Variants in LRRC36 observed in about 807,000 individuals in gnomAD.
LRRC36 encodes leucine-rich repeat-containing protein 36.
LRRC36 carries 62 observed loss-of-function variants against 81.1 expected under a neutral mutation model. The ratio of observed to expected loss-of-function variants is 0.76; its 90% CI spans 0.62 to 0.94. LRRC36 has a LOEUF of 0.94. Ranked by LOEUF, LRRC36 falls within the 40% of genes least tolerant of loss-of-function variation. The pLI, the probability that LRRC36 is intolerant of heterozygous loss-of-function variation, is 0.00. For synonymous variants in LRRC36, 334 were observed against 348.6 expected (o/e 0.96, Z 0.47); for missense variants, 761 against 881.7 (o/e 0.86, Z 1.73).
intron 1 of LRRC36, among the ~76,000 whole-genome samples, chr16:67,331,152 C>T (rs925891377): frequency 6.6e-6 from 1 of 150,870 alleles, no homozygotes; most frequent in African/African-American, 2.5e-5. Context: ...AGCTAACTCC[C>T]GTGATAACTA....
chr16:67,329,934 A>C (rs1390301556), intron 1 of LRRC36, among the ~76,000 whole-genome samples: 1 of 152,082 alleles, frequency 6.6e-6, no homozygotes, highest in African/African-American at 2.4e-5. Flanking sequence ...AAAATAAAAT[A>C]AGAATCCGTA....
chr16:67,358,657 C>T (rs2039012920), intron 5 of LRRC36, among the ~76,000 whole-genome samples: 1 of 151,930 alleles, frequency 6.6e-6, no homozygotes, highest in Non-Finnish European at 1.5e-5. Context: ...TCAACCCATT[C>T]TACATAAAGA....
chr16:67,348,135 T>G (rs1162998284), intron 4 of LRRC36, among the ~76,000 whole-genome samples: 1 of 152,224 alleles, frequency 6.6e-6, no homozygotes, highest in Non-Finnish European at 1.5e-5. Context: ...CCTATGCTTT[T>G]TAAAAAGTAG....
intron 1 of LRRC36, among the ~76,000 whole-genome samples, chr16:67,329,258 C>T (rs947517716): frequency 1.3e-5 from 2 of 152,028 alleles, no homozygotes; most frequent in African/African-American, 4.8e-5. Flanking sequence ...GTCACATATG[C>T]AACCTAAAAA....
intron 8 of LRRC36, among the ~76,000 whole-genome samples, chr16:67,369,142 G>T (rs939250684): frequency 3.9e-5 from 6 of 152,166 alleles, no homozygotes; most frequent in Non-Finnish European, 8.8e-5. Flanking sequence ...ATAAGTGTAT[G>T]GGTGACAGTA....
chr16:67,331,392 G>A (rs1248643302), intron 1 of LRRC36, among the ~76,000 whole-genome samples: 2 of 151,988 alleles, frequency 1.3e-5, no homozygotes, highest in African/African-American at 2.4e-5. Flanking sequence ...GGTGTTGGTG[G>A]TGTGTACCTG....
rs557163291 is a variant in LRRC36, at chr16:67,350,322, T to G, written c.577+32T>G. 9 of 1,527,682 alleles carry G rather than the reference T, an allele frequency of 5.9e-6. No homozygotes were observed. In the East Asian group the frequency reaches 2.0e-4, roughly 34 times the overall value. The allele number at this position is 1,527,682 out of a possible 1,614,324, so 94.6% of individuals were successfully genotyped here. On this transcript the variant is annotated intron_variant, in intron 5 of 13. Coordinates refer to ENST00000329956, the MANE Select transcript of LRRC36 (RefSeq NM_018296.6). The stretch of plus-strand genomic sequence containing the variant: ...TTTCTCCCTGTGATTATAAAATGAT[T>G]AAAACATCAGTTATCTCAGCTGCCA...
chr16:67,376,576 A>G (rs2039902854), intron 10 of LRRC36, 151 bp from the exon 11 acceptor site: 1 of 723,430 alleles, frequency 1.4e-6, no homozygotes. Context: ...TTGTCCTCTT[A>G]AAAACACCTC....
intron 9 of LRRC36, among the ~76,000 whole-genome samples, chr16:67,372,610 C>T (rs976463515): frequency 1.3e-5 from 2 of 152,136 alleles, no homozygotes; most frequent in African/African-American, 2.4e-5. Context: ...CCCTTGTACC[C>T]AAGAACCTTT....
At chr16:67,335,036 C>CACAGGACT (rs2037693093) in intron 1 of LRRC36, among the ~76,000 whole-genome samples, 1 of 152,050 alleles carries the variant, frequency 6.6e-6, no homozygotes, top group African/African-American at 2.4e-5. Context: ...ACCACAGGAC[C>CACAGGACT]GGGGTGAAAT....
rs566382014 is a variant in LRRC36 at position 67,361,124 on chromosome 16, G to A, written c.578-2466G>A. ...CACAATCTTGGTTCATTGCAGTCTC[G>A]ACTTCCCAAGTTAAGGGTTCCTCCC... On this transcript the variant is annotated intron_variant, in intron 5 of 13. Coordinates refer to ENST00000329956, the MANE Select transcript of LRRC36 (RefSeq NM_018296.6). Among the ~76,000 whole-genome samples the A allele has an allele frequency of 1.1e-3, 161 of 151,976 alleles. 1 individual carries two copies. Among genetic ancestry groups the A allele is most frequent in the African/African-American group, 3.3e-3 (136 of 41,482 alleles).
chr16:67,381,487 C>T (rs932279547), intron 12 of LRRC36, among the ~76,000 whole-genome samples: 3 of 152,110 alleles, frequency 2.0e-5, no homozygotes, highest in African/African-American at 7.2e-5. Flanking sequence ...ATGGAGAATA[C>T]GGTGTGAGAC....
chr16:67,369,011 T>A (rs2039523478), intron 8 of LRRC36, among the ~76,000 whole-genome samples: 1 of 152,204 alleles, frequency 6.6e-6, no homozygotes, highest in Non-Finnish European at 1.5e-5. Flanking sequence ...GAGTTGGGTT[T>A]TGGACATCTT....
rs572461499 is a variant in LRRC36 at position 67,343,902 on chromosome 16, C to T, written c.198+1818C>T. Among the ~76,000 whole-genome samples, 12 of 151,866 alleles carry T rather than the reference C, an allele frequency of 7.9e-5. No individual in the cohort carries two copies. In the South Asian group the frequency reaches 8.3e-4, roughly 11 times the overall value. ...TGTGATCTTGGCTCACTGCAACCTCCGCCTCCCAGGTTCAGGAGATTCTCC... is the reference window on the plus strand; with the variant it reads ...TGTGATCTTGGCTCACTGCAACCTCTGCCTCCCAGGTTCAGGAGATTCTCC... On this transcript the variant is annotated intron_variant, in intron 2 of 13. Coordinates refer to ENST00000329956, the MANE Select transcript of LRRC36 (RefSeq NM_018296.6).
At chr16:67,337,868 C>T (rs1228067162) in intron 1 of LRRC36, among the ~76,000 whole-genome samples, 4 of 151,914 alleles carry the variant, frequency 2.6e-5, no homozygotes, top group Non-Finnish European at 1.5e-5. Flanking sequence ...GGCGGGTCAC[C>T]TGAGGTCGGG....
chr16:67,338,837 AAATTTCT>A (rs1421524086), intron 1 of LRRC36, among the ~76,000 whole-genome samples: 1 of 114,002 alleles, frequency 8.8e-6, no homozygotes, highest in Non-Finnish European at 1.8e-5. Context: ...CAAGCTTTTC[AAATTTCT>A]AATTTCTGCT....
chr16:67,345,552 A>C (rs1055179551), intron 2 of LRRC36, among the ~76,000 whole-genome samples: 2 of 152,168 alleles, frequency 1.3e-5, no homozygotes, highest in African/African-American at 4.8e-5. Flanking sequence ...AAGAGAACTG[A>C]ACAAGGAAGA....
chr16:67,343,825 TA>T (rs530358789), intron 2 of LRRC36, among the ~76,000 whole-genome samples: 189 of 152,220 alleles, frequency 1.2e-3, no homozygotes, highest in Non-Finnish European at 2.4e-3. Flanking sequence ...GATTTTTATT[TA>T]TTTTTTTTGA....
intron 1 of LRRC36, among the ~76,000 whole-genome samples, chr16:67,329,931 A>G (rs2037400020): frequency 6.6e-6 from 1 of 152,072 alleles, no homozygotes; most frequent in South Asian, 2.1e-4. Context: ...AATAAAATAA[A>G]ATAAGAATCC....
Sources: gnomAD v4.1 joint callset for allele counts (sites outside exome capture counted in the v4.1 genomes callset) on GRCh38, gnomAD v4.1.1 for gene constraint, MANE v1.5 for transcripts, NCBI Gene and HGNC (gene_info 2026-07-23, HGNC 2026-07-21) for gene names.